Variants in CADM2 observed in about 807,000 individuals in gnomAD.
CADM2 encodes the protein cell adhesion molecule 2, also known as immunoglobulin superfamily member 4D.
A neutral mutation model predicts 49.8 loss-of-function variants in CADM2; 12 were observed. The ratio of observed to expected loss-of-function variants is 0.24; its 90% CI spans 0.15 to 0.39. The LOEUF (loss-of-function observed/expected upper bound fraction) is 0.39. Ranked by LOEUF, CADM2 falls within the 10% of genes least tolerant of loss-of-function variation. CADM2 has a pLI of 1.00. For synonymous variants in CADM2, 214 were observed against 175.4 expected (o/e 1.22, Z -1.74); for missense variants, 378 against 492.3 (o/e 0.77, Z 2.20).
chr3:86,036,411 A>C (rs1336637045), intron 8 of CADM2, among the ~76,000 whole-genome samples: 1 of 152,014 alleles, frequency 6.6e-6, no homozygotes, highest in Non-Finnish European at 1.5e-5. Context: ...TTTCTTTCTA[A>C]GGTTGACCTT....
intron 2 of CADM2, among the ~76,000 whole-genome samples, chr3:85,761,009 A>G (rs1002066520): frequency 2.0e-5 from 3 of 152,156 alleles, no homozygotes; most frequent in African/African-American, 7.2e-5. Flanking sequence ...ATTTTATAGT[A>G]TTAGAGTTAA....
intron 1 of CADM2, among the ~76,000 whole-genome samples, chr3:85,638,525 A>C (rs1206434490): frequency 6.6e-6 from 1 of 152,120 alleles, no homozygotes; most frequent in Non-Finnish European, 1.5e-5. Flanking sequence ...AGAACTAGTT[A>C]TAAGAAATTC....
At chr3:85,391,295 A>G (rs73845479) in intron 1 of CADM2, among the ~76,000 whole-genome samples, 3,152 of 152,220 alleles carry the variant, frequency 0.021, 103 homozygotes, top group African/African-American at 0.071. Context: ...AAGGAAGCAC[A>G]GAAGTATAGT....
At chr3:85,769,506 T>C (rs1179105987) in intron 2 of CADM2, among the ~76,000 whole-genome samples, 3 of 54,274 alleles carry the variant, frequency 5.5e-5, no homozygotes, top group Non-Finnish European at 1.0e-4. Flanking sequence ...CATATATGTA[T>C]ATATACACGT....
chr3:85,646,541 A>G (rs1018921909), intron 1 of CADM2, among the ~76,000 whole-genome samples: 2 of 151,982 alleles, frequency 1.3e-5, no homozygotes, highest in Non-Finnish European at 2.9e-5. Context: ...CACTGTATCA[A>G]CTGATTTTAG....
chr3:85,467,231 C>T (rs1335659264), intron 1 of CADM2, among the ~76,000 whole-genome samples: 1 of 152,130 alleles, frequency 6.6e-6, no homozygotes, highest in Non-Finnish European at 1.5e-5. Flanking sequence ...CCTTAGGTGA[C>T]ATAACTTGTC....
At chr3:85,983,485 G>A (rs1167571391) in intron 8 of CADM2, among the ~76,000 whole-genome samples, 1 of 151,582 alleles carries the variant, frequency 6.6e-6, no homozygotes, top group Non-Finnish European at 1.5e-5. Context: ...AAAACATGAA[G>A]CACAGGTTTG....
intron 1 of CADM2, among the ~76,000 whole-genome samples, chr3:85,282,414 G>A (rs940544653): frequency 2.7e-5 from 4 of 147,942 alleles, no homozygotes; most frequent in South Asian, 2.1e-4. Context: ...GGCGTGAGCC[G>A]CCACTCTTGG....
chr3:85,867,069 C>T (rs1553699655), intron 3 of CADM2, among the ~76,000 whole-genome samples: 1 of 151,956 alleles, frequency 6.6e-6, no homozygotes, highest in Non-Finnish European at 1.5e-5. Flanking sequence ...TATAAATTCC[C>T]TTATTATTAT....
At chr3:85,429,252 C>A (rs1376136160) in intron 1 of CADM2, among the ~76,000 whole-genome samples, 1 of 151,960 alleles carries the variant, frequency 6.6e-6, no homozygotes, top group Non-Finnish European at 1.5e-5. Flanking sequence ...TCATTTATAT[C>A]AATATCGCTT....
intron 1 of CADM2, among the ~76,000 whole-genome samples, chr3:85,011,752 T>C (rs1482556602): frequency 6.6e-6 from 1 of 151,798 alleles, no homozygotes; most frequent in African/African-American, 2.4e-5. Context: ...CAGGCAGATA[T>C]AGTGGAACAT....
At chr3:85,121,945 C>T (rs1165708096) in intron 1 of CADM2, among the ~76,000 whole-genome samples, 3 of 152,084 alleles carry the variant, frequency 2.0e-5, no homozygotes, top group Non-Finnish European at 4.4e-5. Flanking sequence ...GCTATCTTAT[C>T]TCATTCACAG....
intron 1 of CADM2, among the ~76,000 whole-genome samples, chr3:85,427,424 A>G (rs2036463148): frequency 6.6e-6 from 1 of 151,914 alleles, no homozygotes; most frequent in Non-Finnish European, 1.5e-5. Flanking sequence ...TGAGAGGTTA[A>G]GCGTCTAGGT....
intron 8 of CADM2, chr3:86,014,251 G>A (rs9810027): frequency 0.17 from 220,226 of 1,305,316 alleles, 19,186 homozygotes; most frequent in South Asian, 0.24. Flanking sequence ...ATACTCTGCA[G>A]TGCAGTAACA....
At chr3:85,471,680 T>G (rs2038771109) in intron 1 of CADM2, among the ~76,000 whole-genome samples, 1 of 147,108 alleles carries the variant, frequency 6.8e-6, no homozygotes, top group South Asian at 2.1e-4. Flanking sequence ...CCTGGTTATA[T>G]TTTTAGCATT....
At chr3:85,729,067 TA>T (rs1354562523) in intron 2 of CADM2, among the ~76,000 whole-genome samples, 2 of 152,178 alleles carry the variant, frequency 1.3e-5, no homozygotes, top group Non-Finnish European at 2.9e-5. Context: ...GATCACTAAT[TA>T]TTCTCCAATG....
At chr3:85,060,991 T>G (rs2036287307) in intron 1 of CADM2, among the ~76,000 whole-genome samples, 1 of 152,152 alleles carries the variant, frequency 6.6e-6, no homozygotes, top group African/African-American at 2.4e-5. Context: ...CAAAAATTCT[T>G]ACTGAACCAG....
intron 1 of CADM2, among the ~76,000 whole-genome samples, chr3:85,188,492 T>C (rs1306787290): frequency 1.3e-5 from 2 of 152,186 alleles, no homozygotes; most frequent in Non-Finnish European, 2.9e-5. Flanking sequence ...CTAGTAATTA[T>C]TTTTATAAAT....
intron 1 of CADM2, among the ~76,000 whole-genome samples, chr3:85,023,765 T>A (rs1227641796): frequency 6.6e-6 from 1 of 151,952 alleles, no homozygotes; most frequent in Non-Finnish European, 1.5e-5. Flanking sequence ...TAGTTACCCA[T>A]TTTTATCATT....
Sources: allele counts gnomAD v4.1 joint callset (sites outside exome capture counted in the v4.1 genomes callset), GRCh38; gene constraint gnomAD v4.1.1; transcripts MANE v1.5; gene names NCBI Gene and HGNC (gene_info 2026-07-23, HGNC 2026-07-21).